The following NAALADL2 variants were observed in gnomAD, a reference collection of about 807,000 sequenced individuals.
NAALADL2 encodes inactive N-acetylated-alpha-linked acidic dipeptidase-like protein 2.
Under a neutral mutation model 87.2 loss-of-function variants are expected in NAALADL2, and 76 were observed. That is an observed-to-expected ratio of 0.87 (90% CI 0.72 to 1.05). The LOEUF (loss-of-function observed/expected upper bound fraction) is 1.05. NAALADL2 is among the 50% of genes least tolerant of loss of function. The pLI, the probability that NAALADL2 is intolerant of heterozygous loss-of-function variation, is 0.00. For synonymous variants in NAALADL2, 354 were observed against 331.0 expected (o/e 1.07, Z -0.75); for missense variants, 1,089 against 945.8 (o/e 1.15, Z -1.99).
intron 2 of NAALADL2, among the ~76,000 whole-genome samples, chr3:175,193,998 T>G (rs531531539): frequency 6.6e-6 from 1 of 152,014 alleles, no homozygotes. Flanking sequence ...GCATAGAAAT[T>G]ACATGTATAT....
At chr3:174,476,673 A>G (rs1717236951) in intron 1 of NAALADL2, among the ~76,000 whole-genome samples, 1 of 152,042 alleles carries the variant, frequency 6.6e-6, no homozygotes, top group Non-Finnish European at 1.5e-5. Context: ...AGAAATGCTA[A>G]GGTTAATTTT....
At chr3:175,368,155 C>T (rs1410872533) in intron 5 of NAALADL2, among the ~76,000 whole-genome samples, 2 of 152,146 alleles carry the variant, frequency 1.3e-5, no homozygotes, top group Non-Finnish European at 2.9e-5. Flanking sequence ...CGCTGGATTA[C>T]ATTTATTGAT....
At chr3:175,522,960 TA>T (rs1732858957) in intron 9 of NAALADL2, among the ~76,000 whole-genome samples, 1 of 152,186 alleles carries the variant, frequency 6.6e-6, no homozygotes, top group South Asian at 2.1e-4. Context: ...GGAAGACACA[TA>T]AGCTACCATT....
intron 12 of NAALADL2, among the ~76,000 whole-genome samples, chr3:175,750,737 A>G (rs545013972): frequency 2.0e-5 from 3 of 152,316 alleles, no homozygotes; most frequent in Admixed American, 2.0e-4. Flanking sequence ...TTGTCAGATC[A>G]TTCTTATACA....
chr3:174,527,728 C>A lies in NAALADL2; in HGVS notation c.-183-22841C>A, dbSNP rs554942862. ...AGAAATTTACATGGATAATATAAAACAATATATTAATAAAACATCCATCAC... is the reference window on the plus strand; with the variant it reads ...AGAAATTTACATGGATAATATAAAAAAATATATTAATAAAACATCCATCAC... On this transcript the variant is annotated intron_variant, in intron 1 of 3. Transcript: ENST00000434257. Among the ~76,000 whole-genome samples the A allele has an allele frequency of 5.3e-5, 8 of 152,154 alleles. No individual in the cohort carries two copies. The South Asian group carries it at 6.2e-4, about 12-fold the overall frequency.
At chr3:175,428,562 T>C (rs1393156661) in intron 5 of NAALADL2, among the ~76,000 whole-genome samples, 2 of 152,080 alleles carry the variant, frequency 1.3e-5, no homozygotes, top group African/African-American at 4.8e-5. Context: ...ACTCTCAATC[T>C]AGAAGTTTAC....
chr3:175,251,884 T>G (rs139897736), intron 3 of NAALADL2, among the ~76,000 whole-genome samples: 32 of 152,368 alleles, frequency 2.1e-4, no homozygotes, highest in African/African-American at 7.7e-4. Flanking sequence ...TATTGATTTT[T>G]AGTGCATAAG....
intron 10 of NAALADL2, among the ~76,000 whole-genome samples, chr3:175,604,308 T>C (rs1723376299): frequency 6.9e-6 from 1 of 144,722 alleles, no homozygotes; most frequent in Non-Finnish European, 1.5e-5. Flanking sequence ...ATTTTTTTTT[T>C]TTTTTTTTTT....
At chr3:175,798,118 C>CTAAT (rs1753729386) in intron 13 of NAALADL2, among the ~76,000 whole-genome samples, 2 of 152,044 alleles carry the variant, frequency 1.3e-5, no homozygotes, top group South Asian at 4.1e-4. Flanking sequence ...AAAAGATGAG[C>CTAAT]TAATTCTGAA....
At chr3:174,549,831 A>C (rs1246784308) in intron 1 of NAALADL2, among the ~76,000 whole-genome samples, 1 of 151,860 alleles carries the variant, frequency 6.6e-6, no homozygotes, top group Non-Finnish European at 1.5e-5. Flanking sequence ...TTACTGCAAA[A>C]CCCAGCCTCT....
At chr3:174,677,078 T>C (rs1324072555) in intron 2 of NAALADL2, among the ~76,000 whole-genome samples, 1 of 151,902 alleles carries the variant, frequency 6.6e-6, no homozygotes, top group Non-Finnish European at 1.5e-5. Flanking sequence ...CTTTTCAACT[T>C]GTATCTGTGT....
intron 2 of NAALADL2, among the ~76,000 whole-genome samples, chr3:174,670,122 C>G (rs965414921): frequency 9.7e-5 from 9 of 92,686 alleles, no homozygotes; most frequent in Admixed American, 2.7e-4. Flanking sequence ...CTTATTATTT[C>G]TAACAGTTTT....
intron 1 of NAALADL2, among the ~76,000 whole-genome samples, chr3:174,479,061 A>G (rs1002104229): frequency 6.6e-6 from 1 of 152,132 alleles, no homozygotes; most frequent in Non-Finnish European, 1.5e-5. Flanking sequence ...ACTGCCTTAC[A>G]TACTCTCTAC....
chr3:174,772,591 A>G (rs891395800), intron 3 of NAALADL2, among the ~76,000 whole-genome samples: 3 of 152,196 alleles, frequency 2.0e-5, no homozygotes, highest in Non-Finnish European at 2.9e-5. Flanking sequence ...CCAGAATTAA[A>G]TGGTGGTAAT....
chr3:174,685,636 T>A (rs866695895), intron 2 of NAALADL2, among the ~76,000 whole-genome samples: 4 of 152,066 alleles, frequency 2.6e-5, no homozygotes, highest in Admixed American at 6.6e-5. Flanking sequence ...GTCATTGGCT[T>A]TTTGGCCTGT....
chr3:175,552,526 A>ATGTATTTG (rs1290553514), intron 9 of NAALADL2, among the ~76,000 whole-genome samples: 3 of 152,156 alleles, frequency 2.0e-5, no homozygotes, highest in Non-Finnish European at 2.9e-5. Flanking sequence ...ACCAAGATTT[A>ATGTATTTG]CCATATTATG....
chr3:175,792,407 T>C (rs1752906030), intron 13 of NAALADL2, among the ~76,000 whole-genome samples: 1 of 152,202 alleles, frequency 6.6e-6, no homozygotes, highest in Non-Finnish European at 1.5e-5. Context: ...GGTCAATTGC[T>C]GCACTTTGTA....
At chr3:174,789,170 G>C (rs1458460624) in intron 3 of NAALADL2, among the ~76,000 whole-genome samples, 1 of 152,166 alleles carries the variant, frequency 6.6e-6, no homozygotes, top group Non-Finnish European at 1.5e-5. Flanking sequence ...CTGACCAGTG[G>C]TACATGCACA....
rs913424942 is a variant in NAALADL2, at chr3:175,031,530, C to T, written c.44-65260C>T. 3.3e-5 allele frequency among the ~76,000 whole-genome samples: 5 copies of T among 151,990 alleles called. No homozygotes were observed. The South Asian group carries it at 1.0e-3, about 31-fold the overall frequency. ...TATACAATTGACCACAGATGGGCACCTGGGTTGATTCCATGTCTTTGCTAC... is the reference window on the plus strand; with the variant it reads ...TATACAATTGACCACAGATGGGCACTTGGGTTGATTCCATGTCTTTGCTAC... On this transcript the variant is annotated intron_variant, in intron 1 of 13. Transcript: ENST00000454872.
Sources: allele counts gnomAD v4.1 joint callset (sites outside exome capture counted in the v4.1 genomes callset), GRCh38; gene constraint gnomAD v4.1.1; transcripts MANE v1.5; gene names NCBI Gene and HGNC (gene_info 2026-07-23, HGNC 2026-07-21).